Variants in OPRM1 observed in about 807,000 individuals in gnomAD.
OPRM1 encodes mu-type opioid receptor.
A neutral mutation model predicts 31.8 loss-of-function variants in OPRM1; 27 were observed. The observed-to-expected ratio is 0.85, with a 90% confidence interval of 0.63 to 1.17. OPRM1 has a LOEUF of 1.17. Ranked by LOEUF, OPRM1 falls within the 50% of genes most tolerant of loss-of-function variation. The pLI is 0.00. For missense variants in OPRM1, 536 were observed against 511.1 expected (o/e 1.05, Z -0.47); for synonymous variants, 196 against 189.9 (o/e 1.03, Z -0.26).
intron 1 of OPRM1, among the ~76,000 whole-genome samples, chr6:154,033,603 T>C (rs1261996255): frequency 1.3e-5 from 2 of 152,228 alleles, no homozygotes; most frequent in Non-Finnish European, 2.9e-5. Flanking sequence ...TGCAGGTTAA[T>C]ACACTTTTTT....
At chr6:154,217,330 T>A (rs1778482060) in intron 3 of OPRM1, 1 of 152,152 alleles carries the variant, frequency 6.6e-6, no homozygotes, top group Non-Finnish European at 1.5e-5. Context: ...TCAGAGCTCA[T>A]GGTCAGATGA....
chr6:154,162,389 T>C (rs1298158055), intron 3 of OPRM1, among the ~76,000 whole-genome samples: 10 of 152,228 alleles, frequency 6.6e-5, no homozygotes. Context: ...CATCAGGGTT[T>C]GGCCCCCACC....
At chr6:154,100,498 A>G (rs1794673005) in intron 3 of OPRM1, among the ~76,000 whole-genome samples, 1 of 151,850 alleles carries the variant, frequency 6.6e-6, no homozygotes, top group Non-Finnish European at 1.5e-5. Flanking sequence ...TTAGAAACAC[A>G]TGCAAAGAAA....
intron 3 of OPRM1, among the ~76,000 whole-genome samples, chr6:154,181,667 C>T (rs911227408): frequency 1.3e-4 from 20 of 152,192 alleles, no homozygotes; most frequent in Non-Finnish European, 1.5e-5. Flanking sequence ...CAATCCCCAC[C>T]CGGAGCCTCT....
intron 3 of OPRM1, among the ~76,000 whole-genome samples, chr6:154,104,008 T>G (rs542765824): frequency 6.6e-6 from 1 of 152,348 alleles, no homozygotes; most frequent in African/African-American, 2.4e-5. Context: ...AAGATGGAGT[T>G]GTTCTGGTTC....
intron 3 of OPRM1, chr6:154,094,222 A>G (rs756004236): frequency 7.8e-7 from 1 of 1,287,644 alleles, no homozygotes; most frequent in Non-Finnish European, 1.0e-6. Flanking sequence ...CAGAGATCCA[A>G]TATCAAACCT....
intron 3 of OPRM1, chr6:154,159,481 G>C: frequency 3.9e-6 from 1 of 254,358 alleles, no homozygotes; most frequent in Non-Finnish European, 7.4e-6. Context: ...AATTACTCCT[G>C]GTAAAATTTG....
chr6:154,176,097 A>G (rs1800303566), intron 3 of OPRM1, among the ~76,000 whole-genome samples: 1 of 152,222 alleles, frequency 6.6e-6, no homozygotes, highest in Admixed American at 6.5e-5. Context: ...ATAGATGCAG[A>G]AAAGGCCTTC....
intron 3 of OPRM1, among the ~76,000 whole-genome samples, chr6:154,180,410 A>AT (rs1203931756): frequency 0.036 from 1,457 of 40,348 alleles, 22 homozygotes; most frequent in South Asian, 0.11. Flanking sequence ...ATATATATAT[A>AT]TATATTTTTT....
intron 1 of OPRM1, among the ~76,000 whole-genome samples, chr6:154,088,680 C>T (rs746063158): frequency 5.3e-5 from 8 of 152,062 alleles, no homozygotes; most frequent in Admixed American, 3.3e-4. Flanking sequence ...TTTAATTATG[C>T]GTTATTTATT....
intron 1 of OPRM1, among the ~76,000 whole-genome samples, chr6:154,043,616 T>C (rs889795600): frequency 1.3e-5 from 2 of 151,930 alleles, no homozygotes; most frequent in Non-Finnish European, 2.9e-5. Context: ...AATATGATCA[T>C]TAGTAATTTT....
intron 3 of OPRM1, among the ~76,000 whole-genome samples, chr6:154,109,279 C>A (rs986736611): frequency 6.6e-6 from 1 of 152,058 alleles, no homozygotes; most frequent in Non-Finnish European, 1.5e-5. Context: ...CAACATAGCC[C>A]GACTTATTAA....
intron 1 of OPRM1, among the ~76,000 whole-genome samples, chr6:154,027,090 C>T (rs1227520729): frequency 2.0e-5 from 3 of 152,070 alleles, no homozygotes; most frequent in Middle Eastern, 3.2e-3. Context: ...TGTATTTGTA[C>T]CTGTCCATCT....
At chr6:154,192,322 G>GTGTT (rs761360517) in intron 3 of OPRM1, among the ~76,000 whole-genome samples, 83 of 119,752 alleles carry the variant, frequency 6.9e-4, no homozygotes, top group South Asian at 3.6e-3. Context: ...TGGTTACTGT[G>GTGTT]TGTGTGTGTG....
chr6:154,051,722 G>A (rs1782236375), intron 1 of OPRM1, among the ~76,000 whole-genome samples: 1 of 152,212 alleles, frequency 6.6e-6, no homozygotes, highest in Non-Finnish European at 1.5e-5. Context: ...CTTTTACACT[G>A]TTGGTGGGAA....
intron 1 of OPRM1, among the ~76,000 whole-genome samples, chr6:154,013,280 A>G (rs1777827393): frequency 6.6e-6 from 1 of 152,178 alleles, no homozygotes; most frequent in Non-Finnish European, 1.5e-5. Context: ...AAACTAATAC[A>G]TGAAATTCTT....
In OPRM1 at chr6:154,197,276, TA is replaced by T. The variant is rs199782506; in HGVS notation, c.1165-49408del. Among the ~76,000 whole-genome samples the T allele has an allele frequency of 2.1e-3, 317 of 151,044 alleles. 1 individual carries two copies. Among genetic ancestry groups the T allele is most frequent in the African/African-American group, 5.9e-3 (243 of 41,212 alleles). On this transcript the variant is annotated intron_variant, in intron 3 of 3. Coordinates refer to the OPRM1 transcript ENST00000337049. The stretch of plus-strand genomic sequence containing the variant: ...TGTCTGCAACACATAAACACACATG[TA>T]AAAAAAAATGCACAATATGAAATTT...
At chr6:154,158,792 T>C (rs1798813918) in intron 3 of OPRM1, 2 of 152,364 alleles carry the variant, frequency 1.3e-5, no homozygotes, top group African/African-American at 4.8e-5. Flanking sequence ...TAATTTGAAC[T>C]TCTATAAATA....
At chr6:154,081,241 C>T (rs1437442897) in intron 1 of OPRM1, among the ~76,000 whole-genome samples, 2 of 152,182 alleles carry the variant, frequency 1.3e-5, no homozygotes, top group Non-Finnish European at 2.9e-5. Context: ...CGGTGGCTCA[C>T]GCCTGTAATC....
Sources: allele counts gnomAD v4.1 joint callset (sites outside exome capture counted in the v4.1 genomes callset), GRCh38; gene constraint gnomAD v4.1.1; transcripts MANE v1.5; gene names NCBI Gene and HGNC (gene_info 2026-07-23, HGNC 2026-07-21).